The following JAKMIP3 variants were observed in gnomAD, a reference collection of about 807,000 sequenced individuals.
JAKMIP3 encodes janus kinase and microtubule-interacting protein 3.
In JAKMIP3, 58 loss-of-function variants were observed where a neutral mutation model predicts 118.5. The ratio of observed to expected loss-of-function variants is 0.49; its 90% CI spans 0.40 to 0.61. JAKMIP3 has a LOEUF of 0.61. Ranked by LOEUF, JAKMIP3 falls within the 20% of genes least tolerant of loss-of-function variation. JAKMIP3 has a pLI of 0.00. For missense variants in JAKMIP3, 950 were observed against 1,109.0 expected (o/e 0.86, Z 2.04); for synonymous variants, 486 against 451.2 (o/e 1.08, Z -0.98).
In JAKMIP3 at chr10:132,053,171, T is replaced by G. The variant is rs11146133; in HGVS notation, c.-138+16433T>G. 0.012 allele frequency among the ~76,000 whole-genome samples: 1,832 copies of G among 152,266 alleles called. 160 individuals are homozygous for G. The East Asian group carries it at 0.23, about 19-fold the overall frequency. ...CAGTTGGGAACACTTCAAGCCCCGG[T>G]TTCAGTCTGGAGTCCCTTGGTCTGC... is the stretch of plus-strand genomic sequence containing the variant. On this transcript the variant is annotated intron_variant, in intron 1 of 23. Coordinates refer to the JAKMIP3 transcript ENST00000657785.
rs2133773869 is a variant in JAKMIP3, at chr10:132,044,026, C to T, written c.-138+7288C>T. Among the ~76,000 whole-genome samples, 1 of 152,296 alleles carries T rather than the reference C, an allele frequency of 6.6e-6. No homozygotes were observed. The highest frequency in any genetic ancestry group is 1.5e-5 in the Non-Finnish European group (1 of 68,018). On this transcript the variant is annotated intron_variant, in intron 1 of 23. Coordinates refer to the JAKMIP3 transcript ENST00000657785. This position sits in a 1 kb window ranked among gnomAD's most constrained non-coding sequence, Gnocchi z 5.3. ...CCAAAGAGGGCAGGAAGTGCACAGA[C>T]CTCGGGGTTCAGTAGGCTCTCAGGC...
At chr10:132,164,777 G>A in intron 21 of JAKMIP3, 42 bp downstream of exon 21, 1 of 1,401,696 alleles carries the variant, frequency 7.1e-7, no homozygotes, top group South Asian at 1.2e-5. Flanking sequence ...TTAAGATCAA[G>A]GGAGAGGAAC....
intron 20 of JAKMIP3, among the ~76,000 whole-genome samples, chr10:132,163,944 G>C (rs2058639421): frequency 1.3e-5 from 2 of 152,232 alleles, no homozygotes; most frequent in Non-Finnish European, 2.9e-5. Context: ...GCTCTAATGG[G>C]AGGTGAGAAG....
At chr10:132,177,599 G>A (rs926362857) in intron 23 of JAKMIP3, among the ~76,000 whole-genome samples, 1 of 148,310 alleles carries the variant, frequency 6.7e-6, no homozygotes, top group Non-Finnish European at 1.5e-5. Flanking sequence ...GTGCATGTCT[G>A]TGCACACTGT....
chr10:132,103,681 C>G (rs969056799), intron 1 of JAKMIP3, among the ~76,000 whole-genome samples: 4 of 152,052 alleles, frequency 2.6e-5, no homozygotes, highest in Admixed American at 2.0e-4. Context: ...CACTGATTGC[C>G]TACACCAGGT....
intron 19 of JAKMIP3, among the ~76,000 whole-genome samples, chr10:132,158,024 G>A (rs1033682960): frequency 3.3e-5 from 5 of 152,082 alleles, no homozygotes; most frequent in African/African-American, 7.3e-5. Context: ...TGTGAGGCAG[G>A]TGTAAAGAGG....
At chr10:132,093,931 A>ATTTTTTTTTTTTT (rs35838926) in intron 1 of JAKMIP3, among the ~76,000 whole-genome samples, 3 of 103,622 alleles carry the variant, frequency 2.9e-5, no homozygotes, top group African/African-American at 8.1e-5. Context: ...TCTTGTATCT[A>ATTTTTTTTTTTTT]TTTTTTTTTT....
At chr10:132,164,339 C>T (rs954495464) in intron 20 of JAKMIP3, among the ~76,000 whole-genome samples, 12 of 152,266 alleles carry the variant, frequency 7.9e-5, no homozygotes, top group Admixed American at 7.2e-4. Context: ...GACCCTCTGG[C>T]GGCCCCTTAC....
intron 2 of JAKMIP3, among the ~76,000 whole-genome samples, chr10:132,109,526 T>G (rs7919918): frequency 0.44 from 66,323 of 151,882 alleles, 15,045 homozygotes; most frequent in African/African-American, 0.55. Context: ...GCGTCTTCTG[T>G]CCTGAGAACG....
At chr10:132,139,306 G>GTGT (rs1564948241) in intron 9 of JAKMIP3, among the ~76,000 whole-genome samples, 5 of 65,092 alleles carry the variant, frequency 7.7e-5, no homozygotes, top group African/African-American at 4.7e-4. Context: ...GTATGTGTGT[G>GTGT]AGTGTGTATG....
intron 23 of JAKMIP3, among the ~76,000 whole-genome samples, chr10:132,174,116 G>A (rs2059923709): frequency 6.6e-6 from 1 of 152,026 alleles, no homozygotes; most frequent in African/African-American, 2.4e-5. Flanking sequence ...GGTGTGTGTG[G>A]TGTGTCTGCA....
chr10:132,038,041 G>A (rs2037573051), intron 1 of JAKMIP3, among the ~76,000 whole-genome samples: 1 of 152,258 alleles, frequency 6.6e-6, no homozygotes, highest in Admixed American at 6.5e-5. Flanking sequence ...ACAAGTTATA[G>A]TTTGGAGTTC....
At chr10:132,122,262 T>C (rs1370467555) in intron 3 of JAKMIP3, among the ~76,000 whole-genome samples, 1 of 151,120 alleles carries the variant, frequency 6.6e-6, no homozygotes, top group East Asian at 1.9e-4. Context: ...TGCCCCCCGG[T>C]CGGCTCCCCG....
At chr10:132,135,803 C>A in intron 5 of JAKMIP3, 127 bp from the exon 6 acceptor site, 2 of 1,036,432 alleles carry the variant, frequency 1.9e-6, no homozygotes, top group Non-Finnish European at 2.8e-6. Context: ...GAGGCGTGGA[C>A]TTCCCAAGTA....
intron 1 of JAKMIP3, among the ~76,000 whole-genome samples, chr10:132,101,398 A>G (rs991614868): frequency 3.3e-5 from 5 of 152,154 alleles, no homozygotes; most frequent in African/African-American, 1.2e-4. Context: ...ACTAAATGCT[A>G]CGAACAGTGG....
rs575081390 is a variant in JAKMIP3, at chr10:132,069,634, C to A, written c.-138+3573C>A. On this transcript the variant is annotated intron_variant, in intron 1 of 23. Transcript: ENST00000684848. ...TCCTGTTGTGTCCAGCGGCCATGTC[C>A]ATTTCAGAGTTTCATTAAAGAGCGC... Among the ~76,000 whole-genome samples, 16 of 152,276 alleles carry A rather than the reference C, an allele frequency of 1.1e-4. No individual in the cohort carries two copies. The East Asian group carries it at 3.1e-3, about 29-fold the overall frequency.
At chr10:132,099,229 C>G (rs1276190811) in intron 1 of JAKMIP3, among the ~76,000 whole-genome samples, 1 of 152,098 alleles carries the variant, frequency 6.6e-6, no homozygotes, top group Non-Finnish European at 1.5e-5. Context: ...GGCCAGCCTC[C>G]TCGTCAGCGA....
At chr10:132,163,521 C>CACTGGAGGGTGGGG in intron 20 of JAKMIP3, 109 bp downstream of exon 20, 1 of 990,404 alleles carries the variant, frequency 1.0e-6, no homozygotes, top group Non-Finnish European at 1.5e-6. Context: ...CCTCTGTGGC[C>CACTGGAGGGTGGGG]CCACCCTCCA....
rs1389223340 is a variant in JAKMIP3, at chr10:132,182,578, C to T, written c.*1325C>T. 1.3e-5 allele frequency: 2 copies of T among 152,088 alleles called. No individual in the cohort carries two copies. The highest frequency in any genetic ancestry group is 1.9e-4 in the East Asian group (1 of 5,186). 9.4% of individuals were successfully genotyped at this position (152,088 alleles called of 1,614,324 possible). On this transcript the variant is annotated 3_prime_UTR_variant, in exon 24 of 24. Transcript: ENST00000684848. ...GTGCTCACTTGTGTGCACAAGCATG[C>T]GTTTATGCATGTTTTCACGCAACCA... is the stretch of plus-strand genomic sequence containing the variant.
Sources: allele counts gnomAD v4.1 joint callset (sites outside exome capture counted in the v4.1 genomes callset), GRCh38; gene constraint gnomAD v4.1.1; non-coding constraint Gnocchi (gnomAD v3.1); transcripts MANE v1.5; gene names NCBI Gene and HGNC (gene_info 2026-07-23, HGNC 2026-07-21).